Variants in SP140 observed in about 807,000 individuals in gnomAD.
The protein encoded by SP140 is nuclear body protein SP140.
In SP140, 81 loss-of-function variants were observed where a neutral mutation model predicts 125.0. That is an observed-to-expected ratio of 0.65 (90% CI 0.54 to 0.78). SP140 has a LOEUF of 0.78. SP140 is among the 30% of genes least tolerant of loss of function. The pLI is 0.00. For missense variants in SP140, 858 were observed against 1,037.0 expected (o/e 0.83, Z 2.37); for synonymous variants, 312 against 354.0 (o/e 0.88, Z 1.33).
chr2:230,279,932 T>C (rs1302145312), intron 15 of SP140, among the ~76,000 whole-genome samples: 1 of 152,108 alleles, frequency 6.6e-6, no homozygotes, highest in Non-Finnish European at 1.5e-5. Flanking sequence ...AGGTGTTTTT[T>C]TTTTTAATTT....
At chr2:230,233,117 T>A (rs2047489286) in intron 1 of SP140, among the ~76,000 whole-genome samples, 1 of 152,164 alleles carries the variant, frequency 6.6e-6, no homozygotes, top group Admixed American at 6.5e-5. Flanking sequence ...TTATTTTCTA[T>A]AAGAAAAAGA....
Position 230,312,669 on chromosome 2 carries a change from A to C in SP140, c.2589A>C (p.Thr863=). The C allele has an allele frequency of 1.9e-6, 3 of 1,609,374 alleles. No homozygotes were observed. The highest frequency in any genetic ancestry group is 2.6e-6 in the Non-Finnish European group (3 of 1,176,064). Residue 863 remains threonine (T), a synonymous_variant, in exon 27 of 27, where the codon ACA becomes ACC. Coordinates refer to ENST00000392045, the MANE Select transcript of SP140 (RefSeq NM_007237.5). The stretch of plus-strand genomic sequence containing the variant: ...AGGAAGTGTTTGCTATTCAGGAAAC[A>C]AATGGGAACAATTGACTGGATTAGT... The part of the protein sequence containing the change: ...NFKEVFAIQE[T]NGNN
At chr2:230,284,937 A>G (rs2056158214) in intron 16 of SP140, among the ~76,000 whole-genome samples, 1 of 152,186 alleles carries the variant, frequency 6.6e-6, no homozygotes, top group Non-Finnish European at 1.5e-5. Context: ...GGTCAGTGTA[A>G]TAGAGGTGAT....
At chr2:230,201,339 C>T (rs2043167062), upstream of SP140, among the ~76,000 whole-genome samples, 2 of 152,156 alleles carry the variant, frequency 1.3e-5, no homozygotes, top group Admixed American at 1.3e-4. Context: ...TGTTATTTGC[C>T]TTTTTCACTA....
At chr2:230,289,686 G>C (rs1031275441) in intron 18 of SP140, among the ~76,000 whole-genome samples, 2 of 152,164 alleles carry the variant, frequency 1.3e-5, no homozygotes, top group Non-Finnish European at 2.9e-5. Flanking sequence ...TGTTGGCCAG[G>C]CTGGTCTCGA....
chr2:230,221,602 G>T (rs995833529), upstream of SP140: 3 of 1,094,676 alleles, frequency 2.7e-6, no homozygotes, highest in Non-Finnish European at 2.7e-6. Flanking sequence ...AGGAGAGGGT[G>T]CATTGATGCC....
chr2:230,244,656 T>C (rs1458206784), intron 5 of SP140, among the ~76,000 whole-genome samples: 1 of 151,220 alleles, frequency 6.6e-6, no homozygotes, highest in South Asian at 2.1e-4. Context: ...GAAAGAAAAA[T>C]GGAGACACAA....
intron 12 of SP140, among the ~76,000 whole-genome samples, chr2:230,262,150 G>T (rs536218430): frequency 6.6e-6 from 1 of 152,132 alleles, no homozygotes; most frequent in Non-Finnish European, 1.5e-5. Context: ...TCTGTTCAAG[G>T]TATCTAATTC....
At chr2:230,275,193 A>G (rs899695291) in intron 15 of SP140, among the ~76,000 whole-genome samples, 1 of 152,062 alleles carries the variant, frequency 6.6e-6, no homozygotes, top group Admixed American at 6.5e-5. Flanking sequence ...ATTTGATGTT[A>G]TTCTTTTACG....
rs777415782 is a variant in SP140 at position 230,225,890 on chromosome 2, A to G, written c.46A>G (p.Asn16Asp). The G allele has an allele frequency of 3.1e-6, 5 of 1,613,738 alleles. No individual in the cohort carries two copies. The East Asian group carries it at 6.7e-5, about 22-fold the overall frequency. Residue 16 changes from asparagine (N) to aspartate (D), a missense_variant, in exon 1 of 27, where the codon AAT becomes GAT. By Grantham distance (23) the Asn-to-Asp change is conservative. Transcript: ENST00000392045. ...GGGGCAGATGGCAAGTGGAGACAGC[A>G]ATCTCAACTTCAGGTGGGTCATCGT... ...QQGQMASGDS[N>D]LNFRMVAEIQ...
At chr2:230,257,766 A>T (rs2051479531) in intron 12 of SP140, among the ~76,000 whole-genome samples, 1 of 152,190 alleles carries the variant, frequency 6.6e-6, no homozygotes, top group African/African-American at 2.4e-5. Flanking sequence ...ATTCCATCTC[A>T]GAAGAAAAAA....
chr2:230,199,205 CT>C (rs35807015), upstream of SP140, among the ~76,000 whole-genome samples: 192 of 89,446 alleles, frequency 2.1e-3, no homozygotes, highest in Admixed American at 3.0e-3. Context: ...ACATAATCCT[CT>C]TTTTTTTTTT....
intron 22 of SP140, among the ~76,000 whole-genome samples, chr2:230,305,852 C>T (rs1187059656): frequency 2.0e-5 from 3 of 152,270 alleles, no homozygotes; most frequent in African/African-American, 7.2e-5. Context: ...TCCCTAGGAT[C>T]TGCCCCGAGT....
chr2:230,212,601 G>T (rs956362090), intron 1 of SP140, among the ~76,000 whole-genome samples: 1 of 152,136 alleles, frequency 6.6e-6, no homozygotes, highest in East Asian at 1.9e-4. Context: ...CCCACCCCCC[G>T]GCAGTGCTCA....
intron 2 of SP140, 38 bp from the exon 3 acceptor site, chr2:230,238,157 GTCTTTTGTAACCCATAAA>G (rs1215832177): frequency 1.4e-5 from 18 of 1,303,732 alleles, no homozygotes; most frequent in Non-Finnish European, 1.8e-5. Context: ...CAACCTAAAA[GTCTTTTGTAACCCATAAA>G]TCTCTAGCTA....
rs1334251731 is a variant in SP140, at chr2:230,225,816, C to T, written c.-29C>T. 18 of 1,604,748 alleles carry T rather than the reference C, an allele frequency of 1.1e-5. No homozygotes were observed. Among genetic ancestry groups the T allele is most frequent in the African/African-American group, 5.3e-5 (4 of 74,860 alleles). ...CAGGAAGGAACGGGGCAGTGAAAAT[C>T]GAATCGGGTGTGATCCTAGGCCAAG... is the stretch of plus-strand genomic sequence containing the variant. On this transcript the variant is annotated 5_prime_UTR_variant, in exon 1 of 27. Transcript: ENST00000392045.
chr2:230,257,869 G>A (rs186769256), intron 12 of SP140, among the ~76,000 whole-genome samples: 1 of 152,028 alleles, frequency 6.6e-6, no homozygotes, highest in African/African-American at 2.4e-5. Flanking sequence ...CAGTTTCTCT[G>A]AACAGAGAAC....
At chr2:230,246,012 C>A in intron 7 of SP140, 72 bp downstream of exon 7, 2 of 838,686 alleles carry the variant, frequency 2.4e-6, no homozygotes, top group South Asian at 1.4e-5. Flanking sequence ...CATCTCCCTT[C>A]CCATTCCCCC....
chr2:230,306,374 A>G (rs1559371076), intron 22 of SP140, among the ~76,000 whole-genome samples: 1 of 152,232 alleles, frequency 6.6e-6, no homozygotes, highest in East Asian at 1.9e-4. Context: ...CAACTGCTGC[A>G]GGAGACACAG....
Sources: gnomAD v4.1 joint callset for allele counts (sites outside exome capture counted in the v4.1 genomes callset) on GRCh38, gnomAD v4.1.1 for gene constraint, MANE v1.5 for transcripts, NCBI Gene and HGNC (gene_info 2026-07-23, HGNC 2026-07-21) for gene names.